TMEM132C: variants seen among roughly 807,000 people sequenced by gnomAD.
The protein encoded by TMEM132C is transmembrane protein 132C, also known as protein phosphatase 1, regulatory subunit 152.
A neutral mutation model predicts 61.4 loss-of-function variants in TMEM132C; 29 were observed. The ratio of observed to expected loss-of-function variants is 0.47; its 90% confidence interval spans 0.35 to 0.64. TMEM132C has a LOEUF of 0.64. Among genes scored for constraint, TMEM132C ranks in the 30% least tolerant of loss-of-function variants. The probability of loss-of-function intolerance (pLI) is 0.00; values close to 1 mark genes in which losing one functional copy is unlikely to be tolerated. For synonymous variants in TMEM132C, 656 were observed against 633.1 expected, an observed-to-expected ratio of 1.04 and a Z score of -0.54; for missense variants, 1,408 against 1,476.9, an observed-to-expected ratio of 0.95 and a Z score of 0.76.
intron 2 of TMEM132C, among the ~76,000 whole-genome samples, chr12:128,524,424 C>G (rs1398532300): frequency 6.6e-6 from 1 of 152,212 alleles, no homozygotes; most frequent in Non-Finnish European, 1.5e-5. Context: ...AGCCCTTCCC[C>G]TGCTGGCTTT....
intron 4 of TMEM132C, among the ~76,000 whole-genome samples, chr12:128,638,920 G>A (rs1426640390): frequency 2.5e-5 from 3 of 118,782 alleles, no homozygotes; most frequent in African/African-American, 9.7e-5. Context: ...GATGATGGTG[G>A]TGATGGTGAT....
At chr12:128,320,315 C>T (rs146741327) in intron 1 of TMEM132C, among the ~76,000 whole-genome samples, 1 of 152,152 alleles carries the variant, frequency 6.6e-6, no homozygotes, top group Non-Finnish European at 1.5e-5. Context: ...TTGTGTGAGA[C>T]AATTTTGTTA....
intron 3 of TMEM132C, among the ~76,000 whole-genome samples, chr12:128,610,159 G>A (rs1222273162): frequency 1.3e-5 from 2 of 152,196 alleles, no homozygotes. Flanking sequence ...TTGCCTTCAT[G>A]AAATACTCAT....
intron 2 of TMEM132C, among the ~76,000 whole-genome samples, chr12:128,425,455 G>A (rs1307123764): frequency 6.6e-6 from 1 of 152,230 alleles, no homozygotes; most frequent in Non-Finnish European, 1.5e-5. Context: ...GCTGACAGCA[G>A]AATCGCTTCT....
intron 3 of TMEM132C, among the ~76,000 whole-genome samples, chr12:128,571,615 C>A (rs191380629): frequency 2.0e-5 from 3 of 152,274 alleles, no homozygotes; most frequent in Admixed American, 1.3e-4. Flanking sequence ...GAATTTGACT[C>A]ATCTAAGCAC....
chr12:128,322,784 G>C (rs1872375568), intron 1 of TMEM132C, among the ~76,000 whole-genome samples: 2 of 152,184 alleles, frequency 1.3e-5, no homozygotes, highest in Non-Finnish European at 2.9e-5. Flanking sequence ...AGCCAAAACA[G>C]CTCTGTTTTC....
chr12:128,371,426 A>G (rs1874024695), intron 1 of TMEM132C, among the ~76,000 whole-genome samples: 1 of 152,114 alleles, frequency 6.6e-6, no homozygotes, highest in African/African-American at 2.4e-5. Context: ...CATAAATCAG[A>G]CCAATCAGAG....
chr12:128,512,007 G>C (rs533543285), intron 2 of TMEM132C, among the ~76,000 whole-genome samples: 1 of 152,266 alleles, frequency 6.6e-6, no homozygotes, highest in Non-Finnish European at 1.5e-5. Context: ...AAGGGCTGCT[G>C]TGTCGGTCCA....
At chr12:128,554,821 AT>A (rs1284056941) in intron 3 of TMEM132C, among the ~76,000 whole-genome samples, 2 of 151,092 alleles carry the variant, frequency 1.3e-5, no homozygotes, top group Non-Finnish European at 2.9e-5. Flanking sequence ...TCCGGTTCTT[AT>A]GGCTGTAAGT....
chr12:128,343,023 ACTGGGATAGCAAG>A (rs1776985024), intron 1 of TMEM132C, among the ~76,000 whole-genome samples: 1 of 152,192 alleles, frequency 6.6e-6, no homozygotes, highest in Non-Finnish European at 1.5e-5. Flanking sequence ...GATGTAGCAA[ACTGGGATAGCAAG>A]GTGGCCCAAG....
intron 1 of TMEM132C, among the ~76,000 whole-genome samples, chr12:128,319,022 A>G (rs1872239585): frequency 6.6e-6 from 1 of 152,110 alleles, no homozygotes; most frequent in African/African-American, 2.4e-5. Flanking sequence ...GATCTTAAAA[A>G]TCCCTGTTAA....
chr12:128,592,078 A>G (rs764067362), intron 3 of TMEM132C, among the ~76,000 whole-genome samples: 1 of 146,474 alleles, frequency 6.8e-6, no homozygotes, highest in Non-Finnish European at 1.5e-5. Flanking sequence ...AAAAAAACAG[A>G]CACAGCCGAG....
intron 8 of TMEM132C, among the ~76,000 whole-genome samples, chr12:128,698,232 A>C (rs1263934306): frequency 6.6e-6 from 1 of 151,876 alleles, no homozygotes; most frequent in Non-Finnish European, 1.5e-5. Context: ...ATGTTGGTTG[A>C]GTGACTGAAT....
chr12:128,696,572 CCTT>C (rs1954766765), intron 7 of TMEM132C, among the ~76,000 whole-genome samples: 1 of 152,196 alleles, frequency 6.6e-6, no homozygotes, highest in African/African-American at 2.4e-5. Flanking sequence ...AAATCCTGCT[CCTT>C]CTTTTTCACT....
chr12:128,467,131 A>C (rs567624019), intron 2 of TMEM132C, among the ~76,000 whole-genome samples: 4 of 152,322 alleles, frequency 2.6e-5, no homozygotes, highest in East Asian at 1.9e-4. Flanking sequence ...TTCATAGTGC[A>C]AGCATCAGAC....
chr12:128,524,012 CAA>C (rs55999607), intron 2 of TMEM132C, among the ~76,000 whole-genome samples: 16 of 135,314 alleles, frequency 1.2e-4, no homozygotes, highest in African/African-American at 4.7e-4. Flanking sequence ...GACGCCATCT[CAA>C]AAAAAAAAAA....
chr12:128,319,354 C>A (rs113396503), intron 1 of TMEM132C, among the ~76,000 whole-genome samples: 30 of 149,386 alleles, frequency 2.0e-4, no homozygotes, highest in African/African-American at 6.9e-4. Context: ...TTTGCAGTCC[C>A]GAGAGAGAGA....
intron 4 of TMEM132C, among the ~76,000 whole-genome samples, chr12:128,619,489 TC>T (rs1456146586): frequency 6.6e-6 from 1 of 152,246 alleles, no homozygotes; most frequent in Non-Finnish European, 1.5e-5. Flanking sequence ...CACTTGCTGG[TC>T]CCTGGGCACT....
intron 2 of TMEM132C, among the ~76,000 whole-genome samples, chr12:128,541,338 T>C (rs1252198678): frequency 2.6e-5 from 4 of 152,154 alleles, no homozygotes; most frequent in Admixed American, 6.5e-5. Context: ...CCTTTGGGGC[T>C]TTTAGGAGTC....
Sources: gnomAD v4.1 joint callset for allele counts (sites outside exome capture counted in the v4.1 genomes callset) on GRCh38, gnomAD v4.1.1 for gene constraint, MANE v1.5 for transcripts, NCBI Gene and HGNC (gene_info 2026-07-23, HGNC 2026-07-21) for gene names.